The following TRIM32 variants were observed in gnomAD, a reference collection of about 807,000 sequenced individuals.
TRIM32 encodes the protein E3 ubiquitin-protein ligase TRIM32.
A neutral mutation model predicts 36.0 loss-of-function variants in TRIM32; 19 were observed. The ratio of observed to expected loss-of-function variants is 0.53; its 90% CI spans 0.37 to 0.77. TRIM32 has a LOEUF of 0.77. Among genes scored for constraint, TRIM32 ranks in the 30% least tolerant of loss-of-function variants. The pLI, the probability that TRIM32 is intolerant of heterozygous loss-of-function variation, is 0.00. For synonymous variants in TRIM32, 309 were observed against 318.5 expected (o/e 0.97, Z 0.32); for missense variants, 747 against 845.2 (o/e 0.88, Z 1.44).
intron 1 of TRIM32, among the ~76,000 whole-genome samples, chr9:116,687,778 G>C (rs1251670119): frequency 1.3e-5 from 2 of 151,960 alleles, no homozygotes; most frequent in Non-Finnish European, 2.9e-5. Context: ...GAACTGGGGG[G>C]CCCCGATGAG....
In TRIM32 at chr9:116,699,597, C is replaced by G. The variant is rs368240408; in HGVS notation, c.1855C>G (p.Pro619Ala). ...SVLIREGLTCPVGIALTPKGQ... is the reference protein window; with the variant it reads ...SVLIREGLTCAVGIALTPKGQ... ...CCTTATTCGAGAGGGACTTACCTGT[C>G]CGGTGGGCATAGCCCTAACTCCTAA... Residue 619 changes from proline (P) to alanine (A), a missense_variant, in exon 2 of 2, where the codon CCG (proline) becomes GCG (alanine). Coordinates refer to ENST00000450136, the MANE Select transcript of TRIM32 (RefSeq NM_012210.4). This position sits in a 1 kb window ranked among gnomAD's most constrained non-coding sequence, Gnocchi z 4.2. 1.2e-6 allele frequency: 2 copies of G among 1,614,176 alleles called. No individual in the cohort carries two copies. The highest frequency in any genetic ancestry group is 8.5e-7 in the Non-Finnish European group (1 of 1,180,034).
In TRIM32 at chr9:116,697,980, C is replaced by T. The variant is rs760820148; in HGVS notation, c.238C>T (p.Leu80=). ...ITSLTQLTDN[L]TVLKIIDTAG... Reference sequence around the variant, plus strand: ...CAGCTTGACCCAGCTGACAGACAATCTGACAGTGCTAAAGATCATTGATAC... The same window carrying T: ...CAGCTTGACCCAGCTGACAGACAATTTGACAGTGCTAAAGATCATTGATAC... The change falls in exon 2 of 2, where the codon CTG becomes TTG. Residue 80 remains leucine, a synonymous_variant. Transcript: ENST00000450136. 1.4e-5 allele frequency: 22 copies of T among 1,614,130 alleles called. No individual in the cohort carries two copies. The highest frequency in any genetic ancestry group is 2.7e-5 in the African/African-American group (2 of 74,950).
At chr9:116,691,034 C>T (rs1473986507) in intron 1 of TRIM32, among the ~76,000 whole-genome samples, 1 of 152,184 alleles carries the variant, frequency 6.6e-6, no homozygotes, top group Non-Finnish European at 1.5e-5. Context: ...ATCCTCCCAT[C>T]TCAGCCTCCC....
intron 1 of TRIM32, among the ~76,000 whole-genome samples, chr9:116,692,845 G>A (rs1336333111): frequency 6.6e-6 from 1 of 152,002 alleles, no homozygotes; most frequent in Non-Finnish European, 1.5e-5. Context: ...TCCACTTCCT[G>A]GTCTCAAGTA....
At position 116,701,063 on chromosome 9, in the gene TRIM32, G is replaced by A. The variant is rs1275292103; in HGVS notation, c.*1359G>A. The A allele has an allele frequency of 6.0e-6, 1 of 167,096 alleles. No individual in the cohort carries two copies. Among genetic ancestry groups the A allele is most frequent in the African/African-American group, 2.4e-5 (1 of 41,442 alleles). The allele number at this position is 167,096 out of a possible 1,614,324, so 10.4% of individuals were successfully genotyped here. ...GTTAGTCTTGTTTTTAAGATCAGAA[G>A]TGGGTGAGAGGACCTGTGATGAGGT... On this transcript the variant is annotated 3_prime_UTR_variant, in exon 2 of 2. Transcript: ENST00000450136.
intron 1 of TRIM32, among the ~76,000 whole-genome samples, chr9:116,691,830 G>T (rs1025447318): frequency 6.6e-6 from 1 of 152,152 alleles, no homozygotes; most frequent in Non-Finnish European, 1.5e-5. Context: ...TTAGCATTCT[G>T]TTAGAATGCA....
At chr9:116,687,743 G>A (rs1294331219) in intron 1 of TRIM32, among the ~76,000 whole-genome samples, 1 of 151,968 alleles carries the variant, frequency 6.6e-6, no homozygotes, top group Non-Finnish European at 1.5e-5. Context: ...GAGGGACCTG[G>A]GTGCAGAATT....
At chr9:116,691,022 T>G (rs1308151326) in intron 1 of TRIM32, among the ~76,000 whole-genome samples, 1 of 152,124 alleles carries the variant, frequency 6.6e-6, no homozygotes, top group Non-Finnish European at 1.5e-5. Context: ...TAGGCTCAAG[T>G]GATCCTCCCA....
In TRIM32 at chr9:116,693,758, C is replaced by G. The variant is rs542781629; in HGVS notation, c.-81-3904C>G. ...TAGCTGGCAGAAAATGGGCAGCTTA[C>G]TTAAAGATTTGGAATGATAAGACAA... On this transcript the variant is annotated intron_variant, in intron 1 of 1. Coordinates refer to ENST00000450136, the MANE Select transcript of TRIM32 (RefSeq NM_012210.4). Among the ~76,000 whole-genome samples, 12 of 152,282 alleles carry G rather than the reference C, an allele frequency of 7.9e-5. No individual in the cohort carries two copies. In the South Asian group the frequency reaches 2.5e-3, roughly 32 times the overall value.
intron 1 of TRIM32, among the ~76,000 whole-genome samples, chr9:116,693,640 G>T (rs920419249): frequency 6.6e-6 from 1 of 152,120 alleles, no homozygotes; most frequent in African/African-American, 2.4e-5. Flanking sequence ...GGCACAAAGT[G>T]CACAACAGGA....
chr9:116,697,957 G>A lies in TRIM32; in HGVS notation c.215G>A (p.Ser72Asn). 1.2e-6 allele frequency: 2 copies of A among 1,614,204 alleles called. No homozygotes were observed. Among genetic ancestry groups the A allele is most frequent in the South Asian group, 2.2e-5 (2 of 91,080 alleles). ...TGCAGCAAGATTACCCGCATAACCA[G>A]CTTGACCCAGCTGACAGACAATCTG... ...PFCSKITRITSLTQLTDNLTV... is the reference protein window; with the variant it reads ...PFCSKITRITNLTQLTDNLTV... The change falls in exon 2 of 2, where the codon AGC becomes AAC. Residue 72 changes from serine to asparagine, a missense_variant. Transcript: ENST00000450136.
In TRIM32 at chr9:116,698,504, G is replaced by A. The variant is rs747057835; in HGVS notation, c.762G>A (p.Leu254=). The part of the protein sequence containing the change: ...AKIKQADVAL[L]EETADEEEPE... The stretch of plus-strand genomic sequence containing the variant: ...TCAAGCAGGCAGATGTAGCACTACT[G>A]GAGGAGACAGCTGATGAGGAGGAGC... Residue 254 remains leucine (L), a synonymous_variant, in exon 2 of 2, where the codon CTG becomes CTA. Transcript: ENST00000450136. This position sits in a 1 kb window ranked among gnomAD's most constrained non-coding sequence, Gnocchi z 4.4. The A allele has an allele frequency of 6.2e-7, 1 of 1,613,704 alleles. No homozygotes were observed. Among genetic ancestry groups the A allele is most frequent in the Non-Finnish European group, 8.5e-7 (1 of 1,180,022 alleles).
chr9:116,688,692 A>G (rs1860404841), intron 1 of TRIM32, among the ~76,000 whole-genome samples: 1 of 152,208 alleles, frequency 6.6e-6, no homozygotes, highest in South Asian at 2.1e-4. Flanking sequence ...GAACTATTCA[A>G]GGTCATCTGC....
Position 116,698,119 on chromosome 9 carries a change from C to T in TRIM32, c.377C>T (p.Ala126Val), listed in dbSNP as rs755478136. ...GLVLCEPCREADHQPPGHCTL... is the reference protein window; with the variant it reads ...GLVLCEPCREVDHQPPGHCTL... Reference sequence around the variant, plus strand: ...GTGTTATGTGAGCCCTGCCGGGAGGCAGACCATCAGCCTCCTGGCCACTGT... The same window carrying T: ...GTGTTATGTGAGCCCTGCCGGGAGGTAGACCATCAGCCTCCTGGCCACTGT... The change falls in exon 2 of 2, where the codon GCA (alanine) becomes GTA (valine). Residue 126 changes from alanine to valine, a missense_variant. Ala to Val is a moderately conservative substitution (Grantham distance 64, BLOSUM62 0). Transcript: ENST00000450136. This position sits in a 1 kb window ranked among gnomAD's most constrained non-coding sequence, Gnocchi z 4.4. 42 of 1,614,004 alleles carry T rather than the reference C, an allele frequency of 2.6e-5. 1 individual carries two copies. Among genetic ancestry groups the T allele is most frequent in the Non-Finnish European group, 3.3e-5 (39 of 1,180,050 alleles).
intron 1 of TRIM32, among the ~76,000 whole-genome samples, chr9:116,693,022 A>G (rs1860650807): frequency 6.6e-6 from 1 of 152,120 alleles, no homozygotes. Context: ...CAGCCCTTTT[A>G]TTAATCTTTA....
chr9:116,699,165 A>G lies in TRIM32; in HGVS notation c.1423A>G (p.Ile475Val). Residue 475 changes from isoleucine (I) to valine (V), a missense_variant, in exon 2 of 2, where the codon ATC (isoleucine) becomes GTC (valine). Coordinates refer to ENST00000450136, the MANE Select transcript of TRIM32 (RefSeq NM_012210.4). This position sits in a 1 kb window ranked among gnomAD's most constrained non-coding sequence, Gnocchi z 4.2. ...HRSQLSKPWG[I>V]TALPSGQFVV... ...GAGCCAGCTGAGCAAACCATGGGGT[A>G]TCACAGCCTTGCCATCTGGCCAGTT... is the stretch of plus-strand genomic sequence containing the variant. 3 of 1,614,270 alleles carry G rather than the reference A, an allele frequency of 1.9e-6. No individual in the cohort carries two copies. The highest frequency in any genetic ancestry group is 2.5e-6 in the Non-Finnish European group (3 of 1,180,048).
rs1254132658 is a variant in TRIM32 at position 116,700,077 on chromosome 9, A to C, written c.*373A>C. The C allele has an allele frequency of 6.3e-6, 2 of 315,202 alleles. No homozygotes were observed. The highest frequency in any genetic ancestry group is 4.4e-5 in the African/African-American group (2 of 45,646). 19.5% of individuals were successfully genotyped at this position (315,202 alleles called of 1,614,324 possible). On this transcript the variant is annotated 3_prime_UTR_variant, in exon 2 of 2. Coordinates refer to ENST00000450136, the MANE Select transcript of TRIM32 (RefSeq NM_012210.4). ...TTCCCATTTGGCTTTGATGCCCTTG[A>C]TCCATTGTTTCCTTCCTACTATAAT...
rs772990865 is a variant in TRIM32, at chr9:116,698,338, T to A, written c.596T>A (p.Leu199Gln). 1 of 1,614,146 alleles carries A rather than the reference T, an allele frequency of 6.2e-7. No individual in the cohort carries two copies. The highest frequency in any genetic ancestry group is 8.5e-7 in the Non-Finnish European group (1 of 1,180,028). Reference protein sequence around the residue: ...GHEERRVQDELARSRKFFTGS... With the variant: ...GHEERRVQDEQARSRKFFTGS... ...GAGGAGCGCAGGGTCCAGGATGAGC[T>A]GGCTCGCTCTCGGAAGTTCTTCACA... The change falls in exon 2 of 2, where the codon CTG (leucine) becomes CAG (glutamine). Residue 199 changes from leucine to glutamine, a missense_variant. By Grantham distance (113) the Leu-to-Gln change is moderately radical. Transcript: ENST00000450136. The surrounding 1 kb of genome is among the most constrained non-coding windows in gnomAD (Gnocchi z 4.4).
At chr9:116,689,743 G>A (rs1031228669) in intron 1 of TRIM32, among the ~76,000 whole-genome samples, 1 of 152,156 alleles carries the variant, frequency 6.6e-6, no homozygotes, top group African/African-American at 2.4e-5. Flanking sequence ...TGATTAGGTA[G>A]GGAGGAGCCC....
Sources: allele counts gnomAD v4.1 joint callset (sites outside exome capture counted in the v4.1 genomes callset), GRCh38; gene constraint gnomAD v4.1.1; non-coding constraint Gnocchi (gnomAD v3.1); transcripts MANE v1.5; gene names NCBI Gene and HGNC (gene_info 2026-07-23, HGNC 2026-07-21).